DYNLT2B: variants seen among roughly 807,000 people sequenced by gnomAD.
DYNLT2B encodes the protein dynein light chain Tctex-type 2B.
In DYNLT2B, 14 loss-of-function variants were observed where a neutral mutation model predicts 19.5. That is an observed-to-expected ratio of 0.72 (90% confidence interval 0.47 to 1.12). DYNLT2B has a LOEUF of 1.12. Among genes scored for constraint, DYNLT2B ranks in the 50% most tolerant of loss-of-function variants. The pLI is 0.00. For synonymous variants in DYNLT2B, 70 were observed against 59.7 expected (o/e 1.17, Z -0.79); for missense variants, 133 against 174.7 (o/e 0.76, Z 1.35).
chr3:196,316,195 A>G lies in DYNLT2B; in HGVS notation c.150T>C (p.Ala50=), dbSNP rs1355938126. ...CATTTGCCAGTTCCTCCTTGAGCAC[A>G]GCATGGATACAGTCTTTAACCACAG... ...RPSVVKDCIH[A]VLKEELANAE... The change falls in exon 2 of 5, where the codon GCT becomes GCC. Residue 50 remains alanine, a synonymous_variant. Transcript: ENST00000325318. 1.9e-6 allele frequency: 3 copies of G among 1,613,750 alleles called. No individual in the cohort carries two copies. Among genetic ancestry groups the G allele is most frequent in the African/African-American group, 1.3e-5 (1 of 74,936 alleles).
chr3:196,297,980 G>A (rs1440416488), intron 3 of DYNLT2B: 2 of 156,994 alleles, frequency 1.3e-5, no homozygotes, highest in African/African-American at 4.8e-5. Context: ...TCAGACAGTG[G>A]TGACGTTTTC....
intron 4 of DYNLT2B, chr3:196,292,267 C>T (rs1464153101): frequency 6.6e-6 from 1 of 152,246 alleles, no homozygotes; most frequent in East Asian, 1.9e-4. Context: ...TTCCACCTGC[C>T]TCAGCAACTC....
At chr3:196,306,879 A>G in intron 3 of DYNLT2B, 64 bp downstream of exon 3, 1 of 1,464,368 alleles carries the variant, frequency 6.8e-7, no homozygotes, top group Non-Finnish European at 9.6e-7. Context: ...TGAATTGTCC[A>G]AAGGACAGAT....
intron 4 of DYNLT2B, among the ~76,000 whole-genome samples, chr3:196,295,062 A>G (rs890233414): frequency 3.3e-5 from 5 of 151,874 alleles, no homozygotes; most frequent in Non-Finnish European, 2.9e-5. Flanking sequence ...AATTTACTCA[A>G]TCTAGTTTCT....
At chr3:196,297,322 C>A (rs1378514447) in intron 3 of DYNLT2B, among the ~76,000 whole-genome samples, 1 of 151,990 alleles carries the variant, frequency 6.6e-6, no homozygotes, top group Non-Finnish European at 1.5e-5. Context: ...GTCAGGAGTT[C>A]GAGACCAGCC....
chr3:196,316,337 T>G, intron 1 of DYNLT2B, 106 bp from the exon 2 acceptor site: 9 of 1,139,228 alleles, frequency 7.9e-6, no homozygotes, highest in Non-Finnish European at 1.1e-5. Flanking sequence ...ACTTAATCCT[T>G]CTTTTTCATA....
chr3:196,296,386 C>T (rs1362364025), intron 3 of DYNLT2B: 1 of 208,492 alleles, frequency 4.8e-6, no homozygotes, highest in African/African-American at 2.3e-5. Context: ...AGCTCCTGCA[C>T]AATAACAGGA....
chr3:196,293,650 T>TTTC (rs2108789546), intron 4 of DYNLT2B, among the ~76,000 whole-genome samples: 1 of 146,960 alleles, frequency 6.8e-6, no homozygotes, highest in South Asian at 2.2e-4. Flanking sequence ...AGATGCATTT[T>TTTC]TTTTTTTTTT....
chr3:196,299,195 C>T (rs1330231056), intron 3 of DYNLT2B, among the ~76,000 whole-genome samples: 2 of 151,850 alleles, frequency 1.3e-5, no homozygotes, highest in African/African-American at 4.8e-5. Flanking sequence ...AGCAATTATC[C>T]TACCTCAGCC....
intron 4 of DYNLT2B, 129 bp from the exon 5 acceptor site, chr3:196,291,503 G>C (rs1254030423): frequency 1.5e-5 from 14 of 903,712 alleles, no homozygotes; most frequent in Non-Finnish European, 2.3e-5. Context: ...TTTTGAGACA[G>C]GGTGTCACTC....
chr3:196,303,337 T>C (rs1033616043), intron 3 of DYNLT2B, among the ~76,000 whole-genome samples: 3 of 152,076 alleles, frequency 2.0e-5, no homozygotes, highest in South Asian at 2.1e-4. Context: ...GTGAATTACT[T>C]TTTCTCTATG....
rs145476537 is a variant in DYNLT2B, at chr3:196,318,096, C to T, written c.57G>A (p.Glu19=). 757 of 1,567,116 alleles carry T rather than the reference C, an allele frequency of 4.8e-4. 3 individuals are homozygous for T. In the African/African-American group the frequency reaches 9.9e-3, roughly 20 times the overall value. Residue 19 remains glutamate (E), a synonymous_variant, in exon 1 of 5, where the codon GAG becomes GAA. Coordinates refer to ENST00000325318, the MANE Select transcript of DYNLT2B (RefSeq NM_152773.5). ...TGTTCTCGGGCTCCCCTGCGTTCTT[C>T]TCAGCCTCAGGCACCCCGTCGCCCA... ...FSVGDGVPEA[E]KNAGEPENTY... is the part of the protein sequence containing the mutation.
intron 3 of DYNLT2B, among the ~76,000 whole-genome samples, chr3:196,303,460 C>A (rs939273402): frequency 1.3e-5 from 2 of 152,118 alleles, no homozygotes; most frequent in African/African-American, 4.8e-5. Context: ...AGCATTAGCT[C>A]AGGCAGGGAG....
At chr3:196,314,667 A>T (rs1411077089) in intron 2 of DYNLT2B, among the ~76,000 whole-genome samples, 4 of 151,424 alleles carry the variant, frequency 2.6e-5, no homozygotes, top group African/African-American at 7.3e-5. Context: ...TTTAAAAATT[A>T]AAAAATTAGC....
At chr3:196,302,361 G>A (rs73086666) in intron 3 of DYNLT2B, among the ~76,000 whole-genome samples, 1,555 of 152,238 alleles carry the variant, frequency 0.01, 34 homozygotes, top group African/African-American at 0.036. Flanking sequence ...GAATTGTAGG[G>A]CTGGGGTAGG....
intron 3 of DYNLT2B, among the ~76,000 whole-genome samples, chr3:196,297,773 A>G (rs1321745479): frequency 6.6e-6 from 1 of 152,214 alleles, no homozygotes; most frequent in Non-Finnish European, 1.5e-5. Context: ...ACAACTAGGT[A>G]ACAAAGCTTG....
At chr3:196,313,966 C>T (rs1003613097) in intron 2 of DYNLT2B, among the ~76,000 whole-genome samples, 1 of 152,038 alleles carries the variant, frequency 6.6e-6, no homozygotes. Flanking sequence ...GGCATGGTGG[C>T]ACTTGCCTGT....
chr3:196,315,326 G>A (rs539669079), intron 2 of DYNLT2B: 19 of 372,864 alleles, frequency 5.1e-5, no homozygotes, highest in African/African-American at 2.0e-4. Flanking sequence ...GCAGTGACGC[G>A]ATCTCAGCTC....
At chr3:196,316,598 G>A (rs1028110662) in intron 1 of DYNLT2B, among the ~76,000 whole-genome samples, 7 of 151,868 alleles carry the variant, frequency 4.6e-5, no homozygotes, top group South Asian at 4.2e-4. Flanking sequence ...AAAAAAATAC[G>A]GCTGAATGGC....
Sources: allele counts gnomAD v4.1 joint callset (sites outside exome capture counted in the v4.1 genomes callset), GRCh38; gene constraint gnomAD v4.1.1; transcripts MANE v1.5; gene names NCBI Gene and HGNC (gene_info 2026-07-23, HGNC 2026-07-21).